ENAH: variants seen among roughly 807,000 people sequenced by gnomAD.
ENAH encodes ENAH actin regulator, also known as protein enabled homolog.
Under a neutral mutation model 78.7 loss-of-function variants are expected in ENAH, and 23 were observed. The ratio of observed to expected loss-of-function variants is 0.29; its 90% CI spans 0.21 to 0.41. ENAH has a LOEUF of 0.41. ENAH is among the 10% of genes least tolerant of loss of function. The pLI is 1.00. For missense variants in ENAH, 544 were observed against 691.0 expected, an observed-to-expected ratio of 0.79 and a Z score of 2.39; for synonymous variants, 226 against 241.0, an observed-to-expected ratio of 0.94 and a Z score of 0.58.
At chr1:225,559,188 T>C (rs1248256670) in intron 2 of ENAH, among the ~76,000 whole-genome samples, 1 of 152,212 alleles carries the variant, frequency 6.6e-6, no homozygotes, top group Non-Finnish European at 1.5e-5. Flanking sequence ...CGTGATTTCT[T>C]CTCGGACTCA....
intron 1 of ENAH, among the ~76,000 whole-genome samples, chr1:225,612,173 A>C (rs1223263315): frequency 6.6e-6 from 1 of 152,246 alleles, no homozygotes; most frequent in Non-Finnish European, 1.5e-5. Flanking sequence ...AAATGGTGGA[A>C]ATGACCCAAT....
intron 10 of ENAH, among the ~76,000 whole-genome samples, chr1:225,511,278 A>C (rs1002329922): frequency 6.6e-6 from 1 of 152,204 alleles, no homozygotes; most frequent in Non-Finnish European, 1.5e-5. Flanking sequence ...CTCATCTTGG[A>C]TACAGTACTC....
intron 1 of ENAH, among the ~76,000 whole-genome samples, chr1:225,633,486 A>C (rs1356393039): frequency 6.6e-6 from 1 of 152,322 alleles, no homozygotes; most frequent in Non-Finnish European, 1.5e-5. Flanking sequence ...GAGAAACAGC[A>C]TTGAAAGGTA....
At chr1:225,648,686 C>T (rs77049626) in intron 1 of ENAH, among the ~76,000 whole-genome samples, 399 of 151,294 alleles carry the variant, frequency 2.6e-3, no homozygotes, top group African/African-American at 8.6e-3. Flanking sequence ...AAAGAGACTA[C>T]TATTTGTATC....
At chr1:225,558,627 C>CTCTT (rs748871066) in intron 2 of ENAH, among the ~76,000 whole-genome samples, 4 of 69,218 alleles carry the variant, frequency 5.8e-5, no homozygotes, top group African/African-American at 2.2e-4. Flanking sequence ...TAATTTCTGC[C>CTCTT]TTTTTTTTTT....
At position 225,491,112 on chromosome 1, in the gene ENAH, G is replaced by GAAAT. The variant is rs2096219975; in HGVS notation, c.*6662_*6663insATTT. 6.6e-6 allele frequency: 1 copy of GAAAT among 152,180 alleles called. No individual in the cohort carries two copies. The highest frequency in any genetic ancestry group is 1.5e-5 in the Non-Finnish European group (1 of 68,030). The allele number at this position is 152,180 out of a possible 1,614,324, so 9.4% of individuals were successfully genotyped here. On this transcript the variant is annotated 3_prime_UTR_variant, in exon 14 of 14. Coordinates refer to ENST00000366843, the MANE Select transcript of ENAH (RefSeq NM_018212.6). ...GATCAACTGGTAGTAATAATGAAAA[G>GAAAT]CTGGTATTTCTCACATAAAACACGT... is the stretch of plus-strand genomic sequence containing the variant.
At position 225,649,199 on chromosome 1, in the gene ENAH, G is replaced by T. The variant is rs938052531; in HGVS notation, c.5+3487C>A. Reference sequence around the variant, plus strand: ...CAGTGAAATAATGTGATTACTTCAAGGTCACCCAGCTAGTAAATGGCTTGG... The same window carrying T: ...CAGTGAAATAATGTGATTACTTCAATGTCACCCAGCTAGTAAATGGCTTGG... On this transcript the variant is annotated intron_variant, in intron 1 of 13. Coordinates refer to ENST00000366843, the MANE Select transcript of ENAH (RefSeq NM_018212.6). Among the ~76,000 whole-genome samples, 8 of 152,126 alleles carry T rather than the reference G, an allele frequency of 5.3e-5. 1 individual carries two copies.
At chr1:225,578,663 A>G (rs1299870775) in intron 1 of ENAH, among the ~76,000 whole-genome samples, 1 of 152,240 alleles carries the variant, frequency 6.6e-6, no homozygotes, top group African/African-American at 2.4e-5. Flanking sequence ...TAACAAAGAT[A>G]AAGCAAACGT....
intron 10 of ENAH, 108 bp downstream of exon 10, chr1:225,511,703 A>T (rs1330766031): frequency 9.1e-6 from 6 of 660,544 alleles, no homozygotes; most frequent in Non-Finnish European, 1.5e-5. Flanking sequence ...CTGGCATTTT[A>T]GTGTCCAGTC....
chr1:225,583,655 A>C, intron 1 of ENAH, among the ~76,000 whole-genome samples: 1 of 151,604 alleles, frequency 6.6e-6, no homozygotes. Context: ...AAATACAAAA[A>C]AAGTTAGCCA....
chr1:225,512,828 T>C (rs200317333), intron 8 of ENAH, 43 bp downstream of exon 8: 13 of 1,609,216 alleles, frequency 8.1e-6, no homozygotes, highest in East Asian at 6.7e-5. Flanking sequence ...ACAATTAAAA[T>C]CCTCTCAATT....
intron 6 of ENAH, among the ~76,000 whole-genome samples, chr1:225,515,825 AG>A (rs1008990272): frequency 1.3e-5 from 2 of 152,242 alleles, no homozygotes; most frequent in African/African-American, 4.8e-5. Context: ...TCCCTTCTGT[AG>A]GGGTTGTTAA....
intron 1 of ENAH, among the ~76,000 whole-genome samples, chr1:225,625,773 C>T (rs1019689100): frequency 8.5e-5 from 13 of 152,202 alleles, no homozygotes; most frequent in Admixed American, 4.6e-4. Context: ...ACCTCGGCCT[C>T]CCAAAGTGCT....
At chr1:225,506,324 A>T (rs1044616193) in intron 11 of ENAH, among the ~76,000 whole-genome samples, 15 of 152,228 alleles carry the variant, frequency 9.9e-5, no homozygotes, top group African/African-American at 3.4e-4. Flanking sequence ...AGTAGCTGGC[A>T]TCGCAGGTGT....
chr1:225,535,435 CA>C, intron 3 of ENAH: 1 of 1,044,022 alleles, frequency 9.6e-7, no homozygotes, highest in Non-Finnish European at 1.3e-6. Context: ...CCTAAGAAAA[CA>C]AAAGTTATGG....
At chr1:225,534,911 T>C (rs528791902) in intron 3 of ENAH, among the ~76,000 whole-genome samples, 22 of 152,104 alleles carry the variant, frequency 1.4e-4, no homozygotes, top group Non-Finnish European at 2.9e-4. Context: ...ACAATACATA[T>C]ATGTGCACAC....
intron 1 of ENAH, among the ~76,000 whole-genome samples, chr1:225,590,550 T>C (rs2096870592): frequency 6.6e-6 from 1 of 152,208 alleles, no homozygotes; most frequent in East Asian, 1.9e-4. Flanking sequence ...TATGTGTTTC[T>C]ACTTAGATAT....
chr1:225,653,596 C>G (rs1663463325), upstream of ENAH, among the ~76,000 whole-genome samples: 2 of 152,024 alleles, frequency 1.3e-5, no homozygotes, highest in South Asian at 4.1e-4. The surrounding 1 kb of genome is among the most constrained non-coding windows in gnomAD (Gnocchi z 4.3). Context: ...GGCGCCAGAC[C>G]CGTAGGCACC....
intron 11 of ENAH, 103 bp downstream of exon 11, chr1:225,507,848 T>C (rs1016412045): frequency 1.4e-6 from 1 of 727,208 alleles, no homozygotes; most frequent in African/African-American, 1.9e-5. Context: ...TTTTATGGGC[T>C]CCTCTGTATA....
Sources: gnomAD v4.1 joint callset for allele counts (sites outside exome capture counted in the v4.1 genomes callset) on GRCh38, gnomAD v4.1.1 for gene constraint, Gnocchi (gnomAD v3.1) non-coding constraint, MANE v1.5 for transcripts, NCBI Gene and HGNC (gene_info 2026-07-23, HGNC 2026-07-21) for gene names.